Variants in PCNX1 observed in about 807,000 individuals in gnomAD.
The protein encoded by PCNX1 is pecanex 1, also known as pecanex-like protein 1.
Under a neutral mutation model 242.2 loss-of-function variants are expected in PCNX1, and 78 were observed. The observed-to-expected ratio is 0.32, with a 90% CI of 0.27 to 0.39. The LOEUF is 0.39. Among genes scored for constraint, PCNX1 ranks in the 10% least tolerant of loss-of-function variants. The pLI, the probability that PCNX1 is intolerant of heterozygous loss-of-function variation, is 1.00. For synonymous variants in PCNX1, 1,024 were observed against 1,032.9 expected (o/e 0.99, Z 0.17); for missense variants, 2,581 against 2,856.5 (o/e 0.90, Z 2.20).
In PCNX1 at chr14:71,036,058, C is replaced by A; in HGVS notation, c.3775-7C>A. ...AATTGTTTAATAATTCTTTTTTTTC[C>A]CCACAGAGTGAGCGATTACAGTCTG... is the stretch of plus-strand genomic sequence containing the variant. On this transcript the variant is annotated splice_polypyrimidine_tract_variant and splice_region_variant and intron_variant, in intron 18 of 35. Transcript: ENST00000304743. 6.5e-7 allele frequency: 1 copy of A among 1,544,848 alleles called. No homozygotes were observed. The highest frequency in any genetic ancestry group is 8.9e-7 in the Non-Finnish European group (1 of 1,125,256).
At chr14:71,047,582 A>G (rs2060899392) in intron 21 of PCNX1, among the ~76,000 whole-genome samples, 1 of 152,190 alleles carries the variant, frequency 6.6e-6, no homozygotes, top group African/African-American at 2.4e-5. Context: ...TTTTTAAAAC[A>G]TAGTCCTTCA....
At chr14:71,081,640 A>G (rs752597552) in intron 28 of PCNX1, among the ~76,000 whole-genome samples, 20 of 151,896 alleles carry the variant, frequency 1.3e-4, no homozygotes, top group Admixed American at 1.1e-3. Flanking sequence ...TTCTAGACCT[A>G]GTTTATTTGC....
Position 71,076,248 on chromosome 14 carries a change from A to G in PCNX1, c.5166A>G (p.Thr1722=), listed in dbSNP as rs780381704. 2.5e-5 allele frequency: 40 copies of G among 1,613,858 alleles called. No homozygotes were observed. The highest frequency in any genetic ancestry group is 4.5e-5 in the East Asian group (2 of 44,884). ...SKLEEWLANE[T]MQEGLRLCAD... ...TAGAGGAGTGGCTAGCTAATGAGACAATGCAGGAAGGACTTCGTCTGTGTG... is the reference window on the plus strand; with the variant it reads ...TAGAGGAGTGGCTAGCTAATGAGACGATGCAGGAAGGACTTCGTCTGTGTG... Residue 1722 remains threonine (T), a synonymous_variant, in exon 28 of 36, where the codon ACA becomes ACG. Coordinates refer to ENST00000304743, the MANE Select transcript of PCNX1 (RefSeq NM_014982.3).
chr14:71,109,565 G>C lies in PCNX1; in HGVS notation c.6858G>C (p.Trp2286Cys). ...CTGGGAGAAATAGCTGGAAAGACTG[G>C]AGTCCGCAGGAGGGCATGGAAGGCC... Reference protein sequence around the residue: ...LKAGRNSWKDWSPQEGMEGHV... With the variant: ...LKAGRNSWKDCSPQEGMEGHV... Residue 2286 changes from tryptophan (W) to cysteine (C), a missense_variant, in exon 35 of 36, where the codon TGG (tryptophan) becomes TGC (cysteine). Around this residue, in one of 9 missense-constraint regions of PCNX1, gnomAD observed 432 missense variants for 433.6 expected, o/e 1.00. Coordinates refer to ENST00000304743, the MANE Select transcript of PCNX1 (RefSeq NM_014982.3). 1 of 1,614,182 alleles carries C rather than the reference G, an allele frequency of 6.2e-7. No individual in the cohort carries two copies. Among genetic ancestry groups the C allele is most frequent in the Non-Finnish European group, 8.5e-7 (1 of 1,180,024 alleles).
chr14:71,088,722 T>G (rs2062055859), intron 29 of PCNX1, among the ~76,000 whole-genome samples: 1 of 152,174 alleles, frequency 6.6e-6, no homozygotes, highest in Non-Finnish European at 1.5e-5. Flanking sequence ...TCCTCCTGTT[T>G]ACATCTATTT....
intron 6 of PCNX1, 47 bp downstream of exon 6, chr14:70,978,695 C>T (rs752602965): frequency 7.7e-5 from 116 of 1,502,476 alleles, no homozygotes; most frequent in Non-Finnish European, 9.7e-5. Context: ...ACTGCTTTTT[C>T]ATACTATTAA....
At chr14:70,973,844 A>G (rs542012700) in intron 5 of PCNX1, among the ~76,000 whole-genome samples, 13 of 151,956 alleles carry the variant, frequency 8.6e-5, no homozygotes, top group Non-Finnish European at 1.9e-4. Flanking sequence ...TTTGCATATC[A>G]TTTTTTCATA....
At position 70,949,244 on chromosome 14, in the gene PCNX1, CA is replaced by C. The variant is rs1440134355; in HGVS notation, c.362+2122del. Among the ~76,000 whole-genome samples, 7 of 108,234 alleles carry C rather than the reference CA, an allele frequency of 6.5e-5. 1 individual carries two copies. In the East Asian group the frequency reaches 1.1e-3, roughly 16 times the overall value. The allele number at this position is 108,234 out of a possible 152,430, so 71.0% of individuals were successfully genotyped here. ...ATAGATATATGTATGTGTATATACA[CA>C]CGTGTATACACACACACGTGTATGC... is the stretch of plus-strand genomic sequence containing the variant. On this transcript the variant is annotated intron_variant, in intron 2 of 35. Coordinates refer to ENST00000304743, the MANE Select transcript of PCNX1 (RefSeq NM_014982.3).
intron 30 of PCNX1, among the ~76,000 whole-genome samples, chr14:71,099,021 CTTCAT>C: frequency 6.6e-6 from 1 of 152,246 alleles, no homozygotes; most frequent in South Asian, 2.1e-4. Context: ...TCTGCTTTAA[CTTCAT>C]TTCTTTACGC....
intron 21 of PCNX1, among the ~76,000 whole-genome samples, chr14:71,047,443 C>T (rs1286711817): frequency 6.6e-6 from 1 of 151,934 alleles, no homozygotes; most frequent in African/African-American, 2.4e-5. Context: ...ATGAGCCTGC[C>T]CAATAGAGTA....
Position 70,983,073 on chromosome 14 carries a change from C to T in PCNX1, c.2311+4425C>T, listed in dbSNP as rs377720415. 3.3e-4 allele frequency among the ~76,000 whole-genome samples: 50 copies of T among 152,228 alleles called. No homozygotes were observed. The South Asian group carries it at 0.01, about 31-fold the overall frequency. ...GTGTCCCCTCTCAAAAATGTCACTT[C>T]GAATACATGTGTTCATCACTACTGA... On this transcript the variant is annotated intron_variant, in intron 6 of 35. Coordinates refer to ENST00000304743, the MANE Select transcript of PCNX1 (RefSeq NM_014982.3).
In PCNX1 at chr14:71,073,743, C is replaced by T; in HGVS notation, c.5051C>T (p.Ala1684Val). 2 of 1,612,956 alleles carry T rather than the reference C, an allele frequency of 1.2e-6. No individual in the cohort carries two copies. Among genetic ancestry groups the T allele is most frequent in the Middle Eastern group, 1.7e-4 (1 of 6,060 alleles). The change falls in exon 27 of 36, where the codon GCT becomes GTT. Residue 1684 changes from alanine (A) to valine (V), a missense_variant. Physicochemically the swap from Ala to Val is moderately conservative, Grantham distance 64 (BLOSUM62 0). This residue lies in a region of PCNX1 where 298 missense variants were observed against 480.1 expected (regional missense o/e 0.62). Transcript: ENST00000304743. The part of the protein sequence containing the change: ...EGYSITDNSA[A>V]SMLQVFDLRK... Reference sequence around the variant, plus strand: ...TATAGCATCACTGATAACAGTGCTGCTTCTATGCTTCAAGTCTTTGATCTT... The same window carrying T: ...TATAGCATCACTGATAACAGTGCTGTTTCTATGCTTCAAGTCTTTGATCTT...
chr14:70,968,971 C>A (rs1232916258), intron 4 of PCNX1, 50 bp from the exon 5 acceptor site: 1 of 1,037,410 alleles, frequency 9.6e-7, no homozygotes, highest in East Asian at 2.4e-5. Flanking sequence ...TGCCACCCTA[C>A]AGCCTTACTG....
rs12890872 is a variant in PCNX1, at chr14:71,066,238, T to C, written c.4853-7307T>C. The stretch of plus-strand genomic sequence containing the variant: ...ATTTTCACAATATTGATTCTTCCTA[T>C]CCATGAGCATGGAATGTTTTTCCAT... On this transcript the variant is annotated intron_variant, in intron 26 of 35. Coordinates refer to ENST00000304743, the MANE Select transcript of PCNX1 (RefSeq NM_014982.3). Among the ~76,000 whole-genome samples the C allele has an allele frequency of 9.0e-3, 1,368 of 152,098 alleles. 10 individuals are homozygous for C. Among genetic ancestry groups the C allele is most frequent in the Non-Finnish European group, 0.012 (843 of 67,986 alleles).
rs775236228 is a variant in PCNX1, at chr14:70,978,473, T to C, written c.2136T>C (p.Ser712=). ...NDSNRLMAPE[S]IKPLTTSKSD... ...CAAACAGGTTAATGGCACCTGAAAG[T>C]ATAAAGCCCTTAACCACTTCAAAAT... Residue 712 remains serine (S), a synonymous_variant, in exon 6 of 36, where the codon AGT becomes AGC. Coordinates refer to ENST00000304743, the MANE Select transcript of PCNX1 (RefSeq NM_014982.3). 1 of 1,614,144 alleles carries C rather than the reference T, an allele frequency of 6.2e-7. No individual in the cohort carries two copies. The highest frequency in any genetic ancestry group is 8.5e-7 in the Non-Finnish European group (1 of 1,180,018).
chr14:70,949,437 G>A (rs1038956803), intron 2 of PCNX1, among the ~76,000 whole-genome samples: 4 of 150,736 alleles, frequency 2.7e-5, no homozygotes, highest in Non-Finnish European at 1.5e-5. Context: ...ACGTATATAT[G>A]TGTATATATG....
At chr14:70,981,703 T>G (rs193300968) in intron 6 of PCNX1, among the ~76,000 whole-genome samples, 18 of 152,332 alleles carry the variant, frequency 1.2e-4, no homozygotes, top group Non-Finnish European at 1.8e-4. Context: ...TGACTAATAT[T>G]TTAAGAAATG....
chr14:71,083,004 A>G (rs914176582), intron 28 of PCNX1, among the ~76,000 whole-genome samples: 1 of 151,958 alleles, frequency 6.6e-6, no homozygotes, highest in Non-Finnish European at 1.5e-5. Context: ...TTTCCTTTCC[A>G]TATTTAGTGC....
chr14:70,937,004 TTTAAG>T (rs1255463831), intron 1 of PCNX1, among the ~76,000 whole-genome samples: 1 of 151,762 alleles, frequency 6.6e-6, no homozygotes, highest in East Asian at 1.9e-4. Flanking sequence ...TGTAAATTTG[TTTAAG>T]TTCTTTGTAG....
Sources: gnomAD v4.1 joint callset for allele counts (sites outside exome capture counted in the v4.1 genomes callset) on GRCh38, gnomAD v4.1.1 for gene constraint, gnomAD v4.1.1 regional missense constraint, MANE v1.5 for transcripts, NCBI Gene and HGNC (gene_info 2026-07-23, HGNC 2026-07-21) for gene names.